The following NKX2-6 variants were observed in gnomAD, a reference collection of about 807,000 sequenced individuals.
NKX2-6 encodes homeobox protein Nkx-2.6.
In NKX2-6, 8 loss-of-function variants were observed where a neutral mutation model predicts 8.6. The observed-to-expected ratio is 0.93, with a 90% confidence interval of 0.54 to 1.67. The LOEUF (loss-of-function observed/expected upper bound fraction) is 1.67. Among genes scored for constraint, NKX2-6 ranks in the 40% most tolerant of loss-of-function variants. The probability of loss-of-function intolerance (pLI) is 0.00; values close to 1 mark genes in which losing one functional copy is unlikely to be tolerated. For synonymous variants in NKX2-6, 210 were observed against 199.3 expected (o/e 1.05, Z -0.45); for missense variants, 475 against 423.1 (o/e 1.12, Z -1.08).
At chr8:23,704,993 C>T (rs150649018) in intron 1 of NKX2-6, among the ~76,000 whole-genome samples, 3,104 of 152,322 alleles carry the variant, frequency 0.02, 42 homozygotes, top group Middle Eastern at 0.051. Flanking sequence ...GGGCTCAGTT[C>T]CTGGAGCCGG....
intron 1 of NKX2-6, among the ~76,000 whole-genome samples, chr8:23,704,566 C>A (rs184747303): frequency 6.6e-6 from 1 of 152,302 alleles, no homozygotes; most frequent in East Asian, 1.9e-4. Flanking sequence ...TGAGCCAGTG[C>A]GATTGGAACC....
Position 23,706,486 on chromosome 8 carries a change from G to A in NKX2-6, c.113C>T (p.Pro38Leu), listed in dbSNP as rs1314170443. ...ASPHPRVRKS[P>L]ENFQYLRMDA... ...CATTCTCAGGTACTGAAAGTTTTCC[G>A]GGCTCTTCCGCACCCGCGGATGTGG... The change falls in exon 1 of 2, where the codon CCG (proline) becomes CTG (leucine). Residue 38 changes from proline (P) to leucine (L), a missense_variant. Pro to Leu is a moderately conservative substitution (Grantham distance 98). Coordinates refer to ENST00000325017, the MANE Select transcript of NKX2-6 (RefSeq NM_001136271.3). 3 of 1,540,514 alleles carry A rather than the reference G, an allele frequency of 1.9e-6. No homozygotes were observed. Among genetic ancestry groups the A allele is most frequent in the Non-Finnish European group, 2.6e-6 (3 of 1,146,930 alleles).
intron 1 of NKX2-6, among the ~76,000 whole-genome samples, chr8:23,704,096 G>C (rs374247230): frequency 1.8e-4 from 28 of 152,156 alleles, no homozygotes; most frequent in Non-Finnish European, 3.8e-4. Flanking sequence ...TCTTTTTGAC[G>C]CAGCGCTCCA....
At position 23,706,329 on chromosome 8, in the gene NKX2-6, C is replaced by T; in HGVS notation, c.270G>A (p.Glu90=). The T allele has an allele frequency of 6.5e-7, 1 of 1,546,068 alleles. No homozygotes were observed. Among genetic ancestry groups the T allele is most frequent in the Non-Finnish European group, 8.7e-7 (1 of 1,143,160 alleles). The change falls in exon 1 of 2, where the codon GAG becomes GAA. Residue 90 remains glutamate, a synonymous_variant. Transcript: ENST00000325017. ...AAGACCTGAGCGCTTACTCACGTGG[C>T]TCCCCCATCCGTTCCGCGTCCATCT... ...VLEMDAERMG[E]PQPGLNAASP...
chr8:23,702,671 G>A lies in NKX2-6; in HGVS notation c.686C>T (p.Ala229Val), dbSNP rs1563303655. 2.6e-6 allele frequency: 4 copies of A among 1,550,816 alleles called. No individual in the cohort carries two copies. The highest frequency in any genetic ancestry group is 3.5e-6 in the Non-Finnish European group (4 of 1,146,578). Residue 229 changes from alanine (A) to valine (V), a missense_variant, in exon 2 of 2, where the codon GCC becomes GTC. Transcript: ENST00000325017. ...PCLGPGPGAP[A>V]FPSPYSAAVS... Reference sequence around the variant, plus strand: ...TGCTGCACTGTAGGGGCTGGGGAAGGCAGGTGCGCCGGGCCCGGGGCCCAG... The same window carrying A: ...TGCTGCACTGTAGGGGCTGGGGAAGACAGGTGCGCCGGGCCCGGGGCCCAG...
chr8:23,703,717 C>CAAAA (rs1220351860), intron 1 of NKX2-6, among the ~76,000 whole-genome samples: 9 of 151,808 alleles, frequency 5.9e-5, no homozygotes, highest in Admixed American at 2.0e-4. Flanking sequence ...AAACAAAAAA[C>CAAAA]AAACAAACAA....
At position 23,706,531 on chromosome 8, in the gene NKX2-6, C is replaced by T; in HGVS notation, c.68G>A (p.Arg23Gln). The change falls in exon 1 of 2, where the codon CGG becomes CAG. Residue 23 changes from arginine to glutamine, a missense_variant. Coordinates refer to ENST00000325017, the MANE Select transcript of NKX2-6 (RefSeq NM_001136271.3). ...ATGTGGCGAAGCCGCGGGGCAGCTC[C>T]GCTCGCGCTCCAGTCGCAGGATGTC... Reference protein sequence around the residue: ...VKDILRLERERSCPAASPHPR... With the variant: ...VKDILRLEREQSCPAASPHPR... The T allele has an allele frequency of 6.5e-7, 1 of 1,537,132 alleles. No homozygotes were observed. Among genetic ancestry groups the T allele is most frequent in the South Asian group, 1.2e-5 (1 of 84,060 alleles).
At position 23,706,350 on chromosome 8, in the gene NKX2-6, C is replaced by G; in HGVS notation, c.249G>C (p.Met83Ile). The change falls in exon 1 of 2, where the codon ATG becomes ATC. Residue 83 changes from methionine to isoleucine, a missense_variant. Coordinates refer to ENST00000325017, the MANE Select transcript of NKX2-6 (RefSeq NM_001136271.3). ...GTGGCTCCCCCATCCGTTCCGCGTC[C>G]ATCTCCAAGACTGCCTCACAGGGAC... ...PGGPCEAVLE[M>I]DAERMGEPQP... 3 of 1,550,514 alleles carry G rather than the reference C, an allele frequency of 1.9e-6. No individual in the cohort carries two copies. Among genetic ancestry groups the G allele is most frequent in the Non-Finnish European group, 2.6e-6 (3 of 1,146,114 alleles).
In NKX2-6 at chr8:23,703,040, C is replaced by G. The variant is rs1160397968; in HGVS notation, c.317G>C (p.Arg106Thr). ...GTTGCCAACGCCGCGCTCTGGCACC[C>G]TGGTCCCGCCGCCGAGGGGCGAGGC... ...NAASPLGGGTRVPERGVGNSG... is the reference protein window; with the variant it reads ...NAASPLGGGTTVPERGVGNSG... Residue 106 changes from arginine to threonine, a missense_variant, in exon 2 of 2, where the codon AGG (arginine) becomes ACG (threonine). Physicochemically the swap from Arg to Thr is moderately conservative, Grantham distance 71. Transcript: ENST00000325017. 7 of 1,540,702 alleles carry G rather than the reference C, an allele frequency of 4.5e-6. No homozygotes were observed. The highest frequency in any genetic ancestry group is 6.1e-6 in the Non-Finnish European group (7 of 1,146,192).
chr8:23,704,334 A>C (rs1333074040), intron 1 of NKX2-6, among the ~76,000 whole-genome samples: 1 of 152,070 alleles, frequency 6.6e-6, no homozygotes, highest in East Asian at 1.9e-4. Flanking sequence ...TTCACCCTGA[A>C]GTCTTCCTTT....
chr8:23,702,036 A>G lies in NKX2-6; in HGVS notation c.*415T>C, dbSNP rs1801013526. On this transcript the variant is annotated 3_prime_UTR_variant, in exon 2 of 2. Transcript: ENST00000325017. ...TCTTTCTTCCCCAACAGCTGTCATT[A>G]ATTGGAGGATGGTAGGCCCGCTAGA... is the stretch of plus-strand genomic sequence containing the variant. Among the ~76,000 whole-genome samples, 1 of 151,638 alleles carries G rather than the reference A, an allele frequency of 6.6e-6. No homozygotes were observed. The highest frequency in any genetic ancestry group is 6.6e-5 in the Admixed American group (1 of 15,234).
At chr8:23,704,705 A>C (rs1029187179) in intron 1 of NKX2-6, among the ~76,000 whole-genome samples, 1 of 152,068 alleles carries the variant, frequency 6.6e-6, no homozygotes, top group Non-Finnish European at 1.5e-5. Flanking sequence ...GGCCATCTCC[A>C]CTTGCAAAGA....
At position 23,702,684 on chromosome 8, in the gene NKX2-6, G is replaced by T; in HGVS notation, c.673C>A (p.Pro225Thr). 6.4e-7 allele frequency: 1 copy of T among 1,550,946 alleles called. No homozygotes were observed. Among genetic ancestry groups the T allele is most frequent in the South Asian group, 1.2e-5 (1 of 84,016 alleles). The change falls in exon 2 of 2, where the codon CCC becomes ACC. Residue 225 changes from proline to threonine, a missense_variant. By Grantham distance (38) the Pro-to-Thr change is conservative. Transcript: ENST00000325017. ...RDGKPCLGPG[P>T]GAPAFPSPYS... ...GGGCTGGGGAAGGCAGGTGCGCCGG[G>T]CCCGGGGCCCAGGCAGGGCTTGCCA...
intron 1 of NKX2-6, 123 bp downstream of exon 1, chr8:23,706,202 G>C (rs756995091): frequency 5.6e-6 from 6 of 1,075,474 alleles, no homozygotes; most frequent in Middle Eastern, 2.2e-4. Flanking sequence ...TGGACTCCTC[G>C]AGAGAAAATG....
rs1343114635 is a variant in NKX2-6 at position 23,702,746 on chromosome 8, G to C, written c.611C>G (p.Thr204Arg). 1 of 1,552,184 alleles carries C rather than the reference G, an allele frequency of 6.4e-7. No homozygotes were observed. The highest frequency in any genetic ancestry group is 8.7e-7 in the Non-Finnish European group (1 of 1,147,280). Reference protein sequence around the residue: ...KSLELAGHPLTPRRVAVPVLV... With the variant: ...KSLELAGHPLRPRRVAVPVLV... Reference sequence around the variant, plus strand: ...GACGGGCACAGCTACTCGGCGCGGCGTTAGAGGGTGGCCAGCCAGTTCCAG... The same window carrying C: ...GACGGGCACAGCTACTCGGCGCGGCCTTAGAGGGTGGCCAGCCAGTTCCAG... Residue 204 changes from threonine to arginine, a missense_variant, in exon 2 of 2, where the codon ACG (threonine) becomes AGG (arginine). Thr to Arg is a moderately conservative substitution (Grantham distance 71, BLOSUM62 -1). Transcript: ENST00000325017.
Position 23,706,242 on chromosome 8 carries a change from G to A in NKX2-6, c.274+83C>T. 6 of 1,333,178 alleles carry A rather than the reference G, an allele frequency of 4.5e-6. No individual in the cohort carries two copies. In the South Asian group the frequency reaches 6.1e-5, roughly 14 times the overall value. 82.6% of individuals were successfully genotyped at this position (1,333,178 alleles called of 1,614,324 possible). A position where few individuals can be genotyped will look rare whatever the true frequency, so the allele number is the denominator to read the frequency against. On this transcript the variant is annotated intron_variant, in intron 1 of 1. Coordinates refer to ENST00000325017, the MANE Select transcript of NKX2-6 (RefSeq NM_001136271.3). Reference sequence around the variant, plus strand: ...GAGTCTCGAACCCAGGAGATAGGAGGCGTATTTTCCCCATGCACCCATGGA... The same window carrying A: ...GAGTCTCGAACCCAGGAGATAGGAGACGTATTTTCCCCATGCACCCATGGA...
rs1434427778 is a variant in NKX2-6, at chr8:23,702,985, C to T, written c.372G>A (p.Ser124=). 9.7e-6 allele frequency: 15 copies of T among 1,542,486 alleles called. No homozygotes were observed. The highest frequency in any genetic ancestry group is 2.5e-5 in the East Asian group (1 of 40,796). The change falls in exon 2 of 2, where the codon TCG becomes TCA. Residue 124 remains serine (S), a synonymous_variant. Coordinates refer to ENST00000325017, the MANE Select transcript of NKX2-6 (RefSeq NM_001136271.3). ...NSGDSVRGGR[S]EQPKARQRRK... is the part of the protein sequence containing the mutation. ...GTCGTTGCCGCGCCTTGGGCTGCTC[C>T]GAGCGGCCACCCCGCACGCTGTCGC...
In NKX2-6 at chr8:23,706,503, C is replaced by T. The variant is rs1437348175; in HGVS notation, c.96G>A (p.Pro32=). ...ERSCPAASPH[P]RVRKSPENFQ... ...AGTTTTCCGGGCTCTTCCGCACCCGCGGATGTGGCGAAGCCGCGGGGCAGC... is the reference window on the plus strand; with the variant it reads ...AGTTTTCCGGGCTCTTCCGCACCCGTGGATGTGGCGAAGCCGCGGGGCAGC... The change falls in exon 1 of 2, where the codon CCG becomes CCA. Residue 32 remains proline (P), a synonymous_variant. Transcript: ENST00000325017. 3.3e-6 allele frequency: 5 copies of T among 1,538,436 alleles called. No individual in the cohort carries two copies. Among genetic ancestry groups the T allele is most frequent in the Non-Finnish European group, 4.4e-6 (5 of 1,146,938 alleles).
Position 23,706,513 on chromosome 8 carries a change from G to A in NKX2-6, c.86C>T (p.Ser29Leu), listed in dbSNP as rs1007383722. ...LERERSCPAASPHPRVRKSPE... is the reference protein window; with the variant it reads ...LERERSCPAALPHPRVRKSPE... Reference sequence around the variant, plus strand: ...GCTCTTCCGCACCCGCGGATGTGGCGAAGCCGCGGGGCAGCTCCGCTCGCG... The same window carrying A: ...GCTCTTCCGCACCCGCGGATGTGGCAAAGCCGCGGGGCAGCTCCGCTCGCG... Residue 29 changes from serine (S) to leucine (L), a missense_variant, in exon 1 of 2, where the codon TCG (serine) becomes TTG (leucine). Physicochemically the swap from Ser to Leu is moderately radical, Grantham distance 145. Coordinates refer to ENST00000325017, the MANE Select transcript of NKX2-6 (RefSeq NM_001136271.3). 1 of 1,537,796 alleles carries A rather than the reference G, an allele frequency of 6.5e-7. No individual in the cohort carries two copies.
Sources: allele counts gnomAD v4.1 joint callset (sites outside exome capture counted in the v4.1 genomes callset), GRCh38; gene constraint gnomAD v4.1.1; transcripts MANE v1.5; gene names NCBI Gene and HGNC (gene_info 2026-07-23, HGNC 2026-07-21).